The following PPFIA2 variants were observed in gnomAD, a reference collection of about 807,000 sequenced individuals.
The protein encoded by PPFIA2 is PPFI scaffold protein A2.
Under a neutral mutation model 175.5 loss-of-function variants are expected in PPFIA2, and 46 were observed. The observed-to-expected ratio is 0.26, with a 90% CI of 0.21 to 0.34. PPFIA2 has a LOEUF of 0.34. Ranked by LOEUF, PPFIA2 falls within the 10% of genes least tolerant of loss-of-function variation. The probability of loss-of-function intolerance (pLI) is 1.00; values close to 1 mark genes in which losing one functional copy is unlikely to be tolerated. For synonymous variants in PPFIA2, 568 were observed against 511.4 expected (o/e 1.11, Z -1.49); for missense variants, 1,179 against 1,506.1 (o/e 0.78, Z 3.60).
chr12:81,720,793 G>C (rs1164579165), intron 3 of PPFIA2, among the ~76,000 whole-genome samples: 1 of 151,248 alleles, frequency 6.6e-6, no homozygotes, highest in Non-Finnish European at 1.5e-5. Flanking sequence ...TTGTGACTGA[G>C]CTGACTTGTA....
intron 4 of PPFIA2, among the ~76,000 whole-genome samples, chr12:81,572,786 T>C (rs574170860): frequency 6.6e-6 from 1 of 152,048 alleles, no homozygotes; most frequent in Non-Finnish European, 1.5e-5. Context: ...AAGAACTGGC[T>C]GATTTCAGGT....
intron 8 of PPFIA2, among the ~76,000 whole-genome samples, chr12:81,392,049 G>A (rs955042646): frequency 6.6e-6 from 1 of 151,934 alleles, no homozygotes; most frequent in South Asian, 2.1e-4. Flanking sequence ...TTACATTTTC[G>A]ATGGATTCCT....
At chr12:81,642,745 G>GTATATATTATATACATACATTATGTATA (rs1567688817) in intron 4 of PPFIA2, among the ~76,000 whole-genome samples, 2 of 8,680 alleles carry the variant, frequency 2.3e-4, no homozygotes, top group Non-Finnish European at 3.1e-4. Flanking sequence ...ATGTATGTAT[G>GTATATATTATATACATACATTATGTATA]TATTATATAC....
intron 22 of PPFIA2, among the ~76,000 whole-genome samples, chr12:81,319,600 G>T (rs192239765): frequency 6.6e-6 from 1 of 151,896 alleles, no homozygotes; most frequent in Admixed American, 6.6e-5. Context: ...AATTGTGTCT[G>T]TACTAAATAA....
At chr12:81,710,191 A>G (rs2077709039) in intron 3 of PPFIA2, among the ~76,000 whole-genome samples, 1 of 151,866 alleles carries the variant, frequency 6.6e-6, no homozygotes, top group Non-Finnish European at 1.5e-5. Context: ...CTTGGGGCAT[A>G]TATCTTTAGT....
chr12:81,338,699 A>G (rs1303328744), intron 21 of PPFIA2, among the ~76,000 whole-genome samples: 1 of 152,038 alleles, frequency 6.6e-6, no homozygotes, highest in African/African-American at 2.4e-5. Context: ...TAGGCTTATC[A>G]ATTCTTTCAA....
At chr12:81,585,885 T>G (rs367860833) in intron 4 of PPFIA2, among the ~76,000 whole-genome samples, 5 of 151,942 alleles carry the variant, frequency 3.3e-5, no homozygotes, top group African/African-American at 1.2e-4. Context: ...ACTTGCAGCA[T>G]AGTAGGTTTG....
At chr12:81,538,361 T>C (rs375201939) in intron 4 of PPFIA2, among the ~76,000 whole-genome samples, 1 of 151,952 alleles carries the variant, frequency 6.6e-6, no homozygotes, top group Admixed American at 6.6e-5. Context: ...TCAGACAGTA[T>C]TCTTAATACA....
chr12:81,365,795 A>G (rs2033034972), intron 14 of PPFIA2, among the ~76,000 whole-genome samples: 1 of 151,736 alleles, frequency 6.6e-6, no homozygotes, highest in Non-Finnish European at 1.5e-5. Flanking sequence ...TAGGCCCCAC[A>G]TTACATTGTT....
intron 3 of PPFIA2, among the ~76,000 whole-genome samples, chr12:81,694,631 G>C (rs2075677003): frequency 6.6e-6 from 1 of 152,170 alleles, no homozygotes; most frequent in Non-Finnish European, 1.5e-5. Context: ...CTCTCCTAGG[G>C]AAGCTCCAAT....
At chr12:81,661,933 C>G (rs1311115708) in intron 4 of PPFIA2, among the ~76,000 whole-genome samples, 4 of 152,106 alleles carry the variant, frequency 2.6e-5, no homozygotes, top group Admixed American at 2.0e-4. Flanking sequence ...ACTGAACAAC[C>G]TGCTCCTGAA....
At chr12:81,313,351 A>G (rs527376006) in intron 22 of PPFIA2, among the ~76,000 whole-genome samples, 68 of 152,200 alleles carry the variant, frequency 4.5e-4, no homozygotes, top group African/African-American at 1.6e-3. Flanking sequence ...TTTTTATCGC[A>G]CAATTATTAT....
At chr12:81,303,133 T>G (rs972676615) in intron 22 of PPFIA2, among the ~76,000 whole-genome samples, 1 of 152,220 alleles carries the variant, frequency 6.6e-6, no homozygotes, top group Non-Finnish European at 1.5e-5. Flanking sequence ...GGAATGGATT[T>G]TCTTTGTAGC....
chr12:81,336,309 C>G (rs2057122694), intron 21 of PPFIA2, among the ~76,000 whole-genome samples: 3 of 152,010 alleles, frequency 2.0e-5, no homozygotes, highest in Non-Finnish European at 4.4e-5. Flanking sequence ...ACAGTGCTTC[C>G]TTTGAGTTTT....
chr12:81,566,642 T>C (rs1283146230), intron 4 of PPFIA2, among the ~76,000 whole-genome samples: 5 of 151,098 alleles, frequency 3.3e-5, no homozygotes, highest in African/African-American at 1.2e-4. Context: ...CATTAGAGAG[T>C]GCTCACTTCA....
Position 81,717,782 on chromosome 12 carries a change from G to C in PPFIA2, c.249+36191C>G, listed in dbSNP as rs116649221. 7.4e-3 allele frequency among the ~76,000 whole-genome samples: 1,126 copies of C among 151,804 alleles called. 22 individuals are homozygous for C. The highest frequency in any genetic ancestry group is 0.026 in the African/African-American group (1,072 of 41,472). On this transcript the variant is annotated intron_variant, in intron 3 of 32. Transcript: ENST00000549396. ...GACAAGCTCCATGTAAGGAGAATCT[G>C]AGATGTGGATTCTTGTATATGTGAT...
intron 7 of PPFIA2, among the ~76,000 whole-genome samples, chr12:81,415,700 T>C (rs1354411796): frequency 7.0e-6 from 1 of 143,248 alleles, no homozygotes; most frequent in African/African-American, 2.6e-5. Context: ...ATGATTCCAA[T>C]AGCAAAAAAA....
chr12:81,745,176 G>C (rs1434999070), intron 3 of PPFIA2, among the ~76,000 whole-genome samples: 1 of 152,146 alleles, frequency 6.6e-6, no homozygotes, highest in African/African-American at 2.4e-5. Context: ...GTCTAGTCTA[G>C]ACTAATGATT....
At chr12:81,613,674 TAA>T (rs1289409926) in intron 4 of PPFIA2, among the ~76,000 whole-genome samples, 2 of 152,118 alleles carry the variant, frequency 1.3e-5, no homozygotes, top group African/African-American at 2.4e-5. Context: ...TAAGAGATAA[TAA>T]GTTTCCTTAG....
Sources: allele counts gnomAD v4.1 joint callset (sites outside exome capture counted in the v4.1 genomes callset), GRCh38; gene constraint gnomAD v4.1.1; transcripts MANE v1.5; gene names NCBI Gene and HGNC (gene_info 2026-07-23, HGNC 2026-07-21).